Variants in ARHGEF33 observed in about 807,000 individuals in gnomAD.
The protein encoded by ARHGEF33 is Rho guanine nucleotide exchange factor 33.
Under a neutral mutation model 101.9 loss-of-function variants are expected in ARHGEF33, and 72 were observed. That is an observed-to-expected ratio of 0.71 (90% CI 0.58 to 0.86). The LOEUF is 0.86. Ranked by LOEUF, ARHGEF33 falls within the 40% of genes least tolerant of loss-of-function variation. The pLI is 0.00. For missense variants in ARHGEF33, 1,169 were observed against 1,111.3 expected (o/e 1.05, Z -0.74); for synonymous variants, 499 against 442.5 (o/e 1.13, Z -1.60).
chr2:38,962,562 C>T (rs1028300196), intron 16 of ARHGEF33, among the ~76,000 whole-genome samples: 5 of 152,028 alleles, frequency 3.3e-5, no homozygotes, highest in East Asian at 3.9e-4. Flanking sequence ...GTAAGACATG[C>T]GTCAAGTCAG....
chr2:38,944,440 G>A (rs1295019548), intron 10 of ARHGEF33, among the ~76,000 whole-genome samples: 2 of 152,250 alleles, frequency 1.3e-5, no homozygotes, highest in Non-Finnish European at 2.9e-5. Flanking sequence ...TCCATTCATA[G>A]TGCGGAGCTC....
At chr2:38,947,977 G>A (rs1667494097) in intron 10 of ARHGEF33, among the ~76,000 whole-genome samples, 1 of 151,998 alleles carries the variant, frequency 6.6e-6, no homozygotes, top group Non-Finnish European at 1.5e-5. Flanking sequence ...TTTCTTTCTT[G>A]CTTTTAGTGT....
chr2:38,928,852 G>A (rs1666930892), intron 4 of ARHGEF33, 55 bp from the exon 5 acceptor site: 2 of 1,475,256 alleles, frequency 1.4e-6, no homozygotes, highest in Non-Finnish European at 1.8e-6. Flanking sequence ...AGGTCCAATG[G>A]TGCCACTTAC....
intron 7 of ARHGEF33, 118 bp from the exon 8 acceptor site, chr2:38,935,657 C>T (rs1457280821): frequency 5.5e-6 from 4 of 730,038 alleles, no homozygotes; most frequent in East Asian, 5.5e-5. Flanking sequence ...TTTTTTACTG[C>T]TCTGCCTCCC....
intron 2 of ARHGEF33, among the ~76,000 whole-genome samples, chr2:38,911,781 C>T (rs755582803): frequency 7.2e-4 from 110 of 152,204 alleles, no homozygotes; most frequent in Admixed American, 3.9e-3. Context: ...GAGGCTGAGG[C>T]AGGAGGATTG....
chr2:38,921,206 T>C (rs1572748869), intron 3 of ARHGEF33, among the ~76,000 whole-genome samples, 168 bp from the exon 4 acceptor site: 1 of 152,214 alleles, frequency 6.6e-6, no homozygotes, highest in South Asian at 2.1e-4. Flanking sequence ...TGTGTGAATA[T>C]GGACACCACC....
At chr2:38,972,432 T>TA in intron 17 of ARHGEF33, among the ~76,000 whole-genome samples, 1 of 152,200 alleles carries the variant, frequency 6.6e-6, no homozygotes, top group African/African-American at 2.4e-5. Context: ...AGTTGAGAGA[T>TA]AGAGTAGTTT....
intron 12 of ARHGEF33, among the ~76,000 whole-genome samples, chr2:38,953,853 C>T (rs72916863): frequency 0.035 from 5,331 of 152,268 alleles, 299 homozygotes; most frequent in African/African-American, 0.12. Flanking sequence ...ATAATGCCTA[C>T]CATGTTAGCT....
In ARHGEF33 at chr2:38,966,050, AAGAG is replaced by A; in HGVS notation, c.2390_2393del (p.Arg797LysfsTer86). On this transcript the variant is annotated frameshift_variant, in exon 17 of 18. Coordinates refer to ENST00000409978, the MANE Select transcript of ARHGEF33 (RefSeq NM_001145451.5). LOFTEE classifies it high-confidence loss of function. ...CTACCAGATTCTGTCCCAAAGAAGA[AAGAG>A]AAAGTGAACAAACATCTTTCAGCGA... 3.2e-6 allele frequency: 5 copies of A among 1,551,728 alleles called. No homozygotes were observed. The highest frequency in any genetic ancestry group is 4.4e-6 in the Non-Finnish European group (5 of 1,146,986).
At chr2:38,943,865 G>A in intron 9 of ARHGEF33, 36 bp from the exon 10 acceptor site, 1 of 1,542,178 alleles carries the variant, frequency 6.5e-7, no homozygotes, top group Non-Finnish European at 8.7e-7. Context: ...AGGAAGAAAT[G>A]GTTAATATCA....
chr2:38,945,043 G>C (rs920605006), intron 10 of ARHGEF33, among the ~76,000 whole-genome samples: 1 of 152,096 alleles, frequency 6.6e-6, no homozygotes, highest in Non-Finnish European at 1.5e-5. Context: ...GTAAGACTTG[G>C]TGAAAAAGAT....
chr2:38,922,691 T>C (rs1411195282), intron 4 of ARHGEF33, among the ~76,000 whole-genome samples: 3 of 152,180 alleles, frequency 2.0e-5, no homozygotes, highest in Non-Finnish European at 4.4e-5. Flanking sequence ...GATTTTTATG[T>C]GTCCACAGCC....
At chr2:38,890,386 G>C (rs969480633) in intron 1 of ARHGEF33, among the ~76,000 whole-genome samples, 1 of 152,152 alleles carries the variant, frequency 6.6e-6, no homozygotes, top group African/African-American at 2.4e-5. Context: ...AAAGATTAGG[G>C]ATGGAGGGAG....
chr2:38,946,369 T>G (rs1667450969), intron 10 of ARHGEF33, among the ~76,000 whole-genome samples: 1 of 152,218 alleles, frequency 6.6e-6, no homozygotes, highest in Non-Finnish European at 1.5e-5. Context: ...GAAAGTAAGA[T>G]CATAGTTATT....
intron 10 of ARHGEF33, among the ~76,000 whole-genome samples, chr2:38,949,106 AC>A (rs1462099654): frequency 2.0e-5 from 3 of 152,086 alleles, no homozygotes; most frequent in Non-Finnish European, 4.4e-5. Flanking sequence ...CCTCTGAGCT[AC>A]AGTCACAGAG....
chr2:38,898,010 G>A (rs1666159479), intron 2 of ARHGEF33, among the ~76,000 whole-genome samples: 1 of 152,174 alleles, frequency 6.6e-6, no homozygotes, highest in African/African-American at 2.4e-5. Context: ...GGTCCGTTGG[G>A]TTAGGACATT....
chr2:38,954,464 T>C lies in ARHGEF33; in HGVS notation c.1221+8T>C. 2 of 1,542,158 alleles carry C rather than the reference T, an allele frequency of 1.3e-6. No individual in the cohort carries two copies. Among genetic ancestry groups the C allele is most frequent in the Non-Finnish European group, 1.8e-6 (2 of 1,138,346 alleles). On this transcript the variant is annotated splice_region_variant and intron_variant, in intron 13 of 17. Coordinates refer to ENST00000409978, the MANE Select transcript of ARHGEF33 (RefSeq NM_001145451.5). The stretch of plus-strand genomic sequence containing the variant: ...TATCTGATACATCTGCAGGTAGGCA[T>C]GGGTGGGAAAGCCACCAAACTGATT...
intron 8 of ARHGEF33, 24 bp from the exon 9 acceptor site, chr2:38,937,311 C>CAGGGGGGGGGGGGG: frequency 1.7e-6 from 1 of 583,934 alleles, no homozygotes; most frequent in Non-Finnish European, 3.0e-6. Flanking sequence ...CTTTGTTTCC[C>CAGGGGGGGGGGGGG]CGCCCCTCCC....
At chr2:38,938,525 C>CTCAA (rs1558435005) in intron 9 of ARHGEF33, among the ~76,000 whole-genome samples, 1 of 152,166 alleles carries the variant, frequency 6.6e-6, no homozygotes, top group Non-Finnish European at 1.5e-5. Flanking sequence ...GGCAACAGAA[C>CTCAA]AAGACCCTAA....
Sources: gnomAD v4.1 joint callset for allele counts (sites outside exome capture counted in the v4.1 genomes callset) on GRCh38, gnomAD v4.1.1 for gene constraint, MANE v1.5 for transcripts, NCBI Gene and HGNC (gene_info 2026-07-23, HGNC 2026-07-21) for gene names.